The following LDHA variants were observed in gnomAD, a reference collection of about 807,000 sequenced individuals.
The protein encoded by LDHA is L-lactate dehydrogenase A chain.
Under a neutral mutation model 36.3 loss-of-function variants are expected in LDHA, and 10 were observed. The observed-to-expected ratio is 0.28, with a 90% CI of 0.17 to 0.47. The LOEUF is 0.47. LDHA is among the 20% of genes least tolerant of loss of function. The pLI, the probability that LDHA is intolerant of heterozygous loss-of-function variation, is 0.99. For synonymous variants in LDHA, 110 were observed against 136.7 expected (o/e 0.80, Z 1.36); for missense variants, 267 against 405.8 (o/e 0.66, Z 2.94).
At chr11:18,401,999 C>T (rs759348427) in intron 4 of LDHA, among the ~76,000 whole-genome samples, 10 of 101,978 alleles carry the variant, frequency 9.8e-5, no homozygotes, top group Admixed American at 2.8e-4. Context: ...CTTTGTAGCT[C>T]AGGCTGGAGT....
chr11:18,407,134 GGAT>G lies in LDHA; in HGVS notation c.857_859del (p.Asp286del). On this transcript the variant is annotated inframe_deletion, in exon 8 of 8. Transcript: ENST00000422447. ...ATCTTCAGGGTCTTTACGGAATAAA[GGAT>G]GATGTCTTCCTTAGTGTTCCTTGCA... 6.3e-7 allele frequency: 1 copy of G among 1,581,014 alleles called. No individual in the cohort carries two copies. Among genetic ancestry groups the G allele is most frequent in the Non-Finnish European group, 8.6e-7 (1 of 1,156,642 alleles).
intron 2 of LDHA, chr11:18,398,960 C>T (rs774786161): frequency 2.1e-4 from 42 of 197,246 alleles, no homozygotes; most frequent in Non-Finnish European, 2.9e-4. Context: ...GTGCCCGCCT[C>T]GGCCTCCCAA....
At chr11:18,396,154 C>T (rs1279347203) in intron 1 of LDHA, 4 of 181,402 alleles carry the variant, frequency 2.2e-5, no homozygotes, top group Non-Finnish European at 4.6e-5. Flanking sequence ...GCCTTCTGGC[C>T]CGATGCCCGC....
Position 18,407,410 on chromosome 11 carries a change from A to G in LDHA, c.*129A>G, listed in dbSNP as rs199722017. The G allele has an allele frequency of 3.7e-4, 570 of 1,553,044 alleles. 3 individuals are homozygous for G. The highest frequency in any genetic ancestry group is 2.7e-3 in the Middle Eastern group (12 of 4,374). Reference sequence around the variant, plus strand: ...TATTTTAAGATGGACTGGGAAAAACATCAACTCCTGAAGTTAGAAATAAGA... The same window carrying G: ...TATTTTAAGATGGACTGGGAAAAACGTCAACTCCTGAAGTTAGAAATAAGA... On this transcript the variant is annotated 3_prime_UTR_variant, in exon 8 of 8. Coordinates refer to ENST00000422447, the MANE Select transcript of LDHA (RefSeq NM_005566.4).
In LDHA at chr11:18,407,936, C is replaced by T. The variant is rs1866760608; in HGVS notation, c.*655C>T. 1 of 453,970 alleles carries T rather than the reference C, an allele frequency of 2.2e-6. No homozygotes were observed. The highest frequency in any genetic ancestry group is 4.4e-6 in the Non-Finnish European group (1 of 226,804). The allele number at this position is 453,970 out of a possible 1,614,324, so 28.1% of individuals were successfully genotyped here. A position where few individuals can be genotyped will look rare whatever the true frequency, so the allele number is the denominator to read the frequency against. ...TTGGAAATATTAGGCTATTCTTGGGCAACCCTGCAACGATTTTTTCTAACA... is the reference window on the plus strand; with the variant it reads ...TTGGAAATATTAGGCTATTCTTGGGTAACCCTGCAACGATTTTTTCTAACA... On this transcript the variant is annotated 3_prime_UTR_variant, in exon 8 of 8. Transcript: ENST00000422447.
intron 2 of LDHA, among the ~76,000 whole-genome samples, chr11:18,398,184 C>T (rs1192670810): frequency 1.3e-5 from 2 of 152,134 alleles, no homozygotes; most frequent in Non-Finnish European, 2.9e-5. Flanking sequence ...AGACCACATC[C>T]AGTTGTATTA....
At chr11:18,399,671 C>G in intron 3 of LDHA, 123 bp downstream of exon 3, 1 of 767,824 alleles carries the variant, frequency 1.3e-6, no homozygotes, top group South Asian at 1.4e-5. Flanking sequence ...AGCCTCGAAC[C>G]CTGGGCTCAA....
rs1444480997 is a variant in LDHA at position 18,396,815 on chromosome 11, A to C, written c.-24-4A>C. On this transcript the variant is annotated splice_polypyrimidine_tract_variant and splice_region_variant and intron_variant, in intron 1 of 7. Coordinates refer to ENST00000422447, the MANE Select transcript of LDHA (RefSeq NM_005566.4). ...AGTGACACTAAATGTTTTTCCTCCT[A>C]TAGATTCCTTTTGGTTCCAAGTCCA... The C allele has an allele frequency of 6.2e-7, 1 of 1,601,012 alleles. No individual in the cohort carries two copies.
intron 7 of LDHA, among the ~76,000 whole-genome samples, chr11:18,406,273 A>C (rs971409223): frequency 4.6e-5 from 7 of 151,980 alleles, no homozygotes; most frequent in African/African-American, 1.7e-4. Flanking sequence ...CTCAAGTTGT[A>C]TTTTAAAATC....
At position 18,408,148 on chromosome 11, in the gene LDHA, T is replaced by C. The variant is rs907357362; in HGVS notation, c.*867T>C. 4.4e-5 allele frequency: 20 copies of C among 454,026 alleles called. No homozygotes were observed. Among genetic ancestry groups the C allele is most frequent in the African/African-American group, 4.0e-4 (20 of 50,016 alleles). 28.1% of individuals were successfully genotyped at this position (454,026 alleles called of 1,614,324 possible). A position where few individuals can be genotyped will look rare whatever the true frequency, so the allele number is the denominator to read the frequency against. On this transcript the variant is annotated 3_prime_UTR_variant, in exon 8 of 8. Coordinates refer to ENST00000422447, the MANE Select transcript of LDHA (RefSeq NM_005566.4). ...TATAGGCAATGATAGTGTGTCACTA[T>C]AGGGAACACAGATTTTTGAGATCTT...
chr11:18,405,946 C>G, intron 7 of LDHA: 1 of 243,218 alleles, frequency 4.1e-6, no homozygotes, highest in Non-Finnish European at 8.1e-6. Context: ...AACTGAACAC[C>G]TGGAAAGGAA....
rs1398634329 is a variant in LDHA at position 18,407,741 on chromosome 11, C to G, written c.*460C>G. On this transcript the variant is annotated 3_prime_UTR_variant, in exon 8 of 8. Coordinates refer to ENST00000422447, the MANE Select transcript of LDHA (RefSeq NM_005566.4). Reference sequence around the variant, plus strand: ...AAGGATCTTATTTTGTGAACTATATCAGTAGTGTACATTACCATATAATGT... The same window carrying G: ...AAGGATCTTATTTTGTGAACTATATGAGTAGTGTACATTACCATATAATGT... 3 of 467,306 alleles carry G rather than the reference C, an allele frequency of 6.4e-6. No individual in the cohort carries two copies. The highest frequency in any genetic ancestry group is 1.3e-5 in the Non-Finnish European group (3 of 235,900). The allele number at this position is 467,306 out of a possible 1,614,324, so 28.9% of individuals were successfully genotyped here.
intron 3 of LDHA, chr11:18,400,323 T>C (rs138820183): frequency 4.5e-6 from 1 of 221,214 alleles, no homozygotes; most frequent in African/African-American, 2.3e-5. Flanking sequence ...GCAACTCCCT[T>C]CATCACTGGT....
intron 4 of LDHA, among the ~76,000 whole-genome samples, chr11:18,402,350 G>A (rs915910480): frequency 6.6e-6 from 1 of 152,096 alleles, no homozygotes; most frequent in African/African-American, 2.4e-5. Flanking sequence ...GCCCAAGCTG[G>A]AGGGCAATGG....
chr11:18,396,840 A>G lies in LDHA; in HGVS notation c.-3A>G. ...ATAGATTCCTTTTGGTTCCAAGTCC[A>G]ATATGGCAACTCTAAAGGATCAGCT... On this transcript the variant is annotated 5_prime_UTR_variant, in exon 2 of 8. Transcript: ENST00000422447. 6.2e-7 allele frequency: 1 copy of G among 1,611,636 alleles called. No individual in the cohort carries two copies. The highest frequency in any genetic ancestry group is 1.1e-5 in the South Asian group (1 of 90,666).
At chr11:18,403,442 T>G (rs1199985878) in intron 5 of LDHA, among the ~76,000 whole-genome samples, 1 of 152,232 alleles carries the variant, frequency 6.6e-6, no homozygotes, top group Non-Finnish European at 1.5e-5. Flanking sequence ...ATCTTTATAT[T>G]TCAAATATAC....
intron 4 of LDHA, chr11:18,402,547 C>T (rs997215296): frequency 2.8e-6 from 1 of 357,184 alleles, no homozygotes; most frequent in Non-Finnish European, 5.4e-6. Context: ...GTCCTCCCAC[C>T]TCAGCCTCCC....
intron 1 of LDHA, among the ~76,000 whole-genome samples, chr11:18,395,761 G>T (rs1351792183): frequency 6.6e-6 from 1 of 152,216 alleles, no homozygotes; most frequent in African/African-American, 2.4e-5. Context: ...AAGGTGGAAA[G>T]AATTCGAGGG....
intron 2 of LDHA, 178 bp from the exon 3 acceptor site, chr11:18,399,253 T>C (rs1866398303): frequency 1.7e-6 from 1 of 601,774 alleles, no homozygotes; most frequent in Non-Finnish European, 3.0e-6. Flanking sequence ...GCTATCTATG[T>C]AGGGTGTAAT....
Sources: gnomAD v4.1 joint callset for allele counts (sites outside exome capture counted in the v4.1 genomes callset) on GRCh38, gnomAD v4.1.1 for gene constraint, MANE v1.5 for transcripts, NCBI Gene and HGNC (gene_info 2026-07-23, HGNC 2026-07-21) for gene names.